Variants in DUSP29 observed in about 807,000 individuals in gnomAD.
DUSP29 encodes dual specificity phosphatase 29.
Under a neutral mutation model 13.5 loss-of-function variants are expected in DUSP29, and 12 were observed. The ratio of observed to expected loss-of-function variants is 0.89; its 90% CI spans 0.57 to 1.44. The LOEUF is 1.44. Ranked by LOEUF, DUSP29 falls within the 40% of genes most tolerant of loss-of-function variation. The pLI, the probability that DUSP29 is intolerant of heterozygous loss-of-function variation, is 0.00. For missense variants in DUSP29, 308 were observed against 301.1 expected, an observed-to-expected ratio of 1.02 and a Z score of -0.17; for synonymous variants, 134 against 128.7, an observed-to-expected ratio of 1.04 and a Z score of -0.28.
chr10:75,043,261 T>C (rs947105396), intron 3 of DUSP29, among the ~76,000 whole-genome samples: 1 of 152,212 alleles, frequency 6.6e-6, no homozygotes, highest in Non-Finnish European at 1.5e-5. Flanking sequence ...GGTCTCTCCA[T>C]GGATTCCCAC....
At chr10:75,048,096 A>G (rs1846742621) in intron 2 of DUSP29, among the ~76,000 whole-genome samples, 1 of 152,230 alleles carries the variant, frequency 6.6e-6, no homozygotes, top group Non-Finnish European at 1.5e-5. Flanking sequence ...TTATGTCCGT[A>G]GGAGACATTT....
At chr10:75,062,077 G>A (rs1847100085) in intron 1 of DUSP29, among the ~76,000 whole-genome samples, 1 of 152,184 alleles carries the variant, frequency 6.6e-6, no homozygotes, top group Non-Finnish European at 1.5e-5. Flanking sequence ...AGTCAGGAAG[G>A]AAGAAATTAT....
intron 2 of DUSP29, among the ~76,000 whole-genome samples, chr10:75,048,846 G>T (rs919194348): frequency 1.3e-5 from 2 of 152,204 alleles, no homozygotes; most frequent in Non-Finnish European, 2.9e-5. Context: ...CCGTGTTGAG[G>T]CACCTGAGAA....
chr10:75,062,137 C>A (rs1169173748), intron 1 of DUSP29, among the ~76,000 whole-genome samples: 1 of 152,226 alleles, frequency 6.6e-6, no homozygotes, highest in Non-Finnish European at 1.5e-5. Flanking sequence ...CCAGACCTTT[C>A]AGTCCCCTAA....
At chr10:75,043,768 C>A (rs1191934841) in intron 3 of DUSP29, 29 bp downstream of exon 3, 7 of 1,580,444 alleles carry the variant, frequency 4.4e-6, no homozygotes, top group Non-Finnish European at 6.0e-6. Context: ...GGGGCGGGGC[C>A]GATCGGGGCG....
At chr10:75,054,484 A>G (rs989275603) in intron 2 of DUSP29, among the ~76,000 whole-genome samples, 1 of 152,238 alleles carries the variant, frequency 6.6e-6, no homozygotes, top group Admixed American at 6.5e-5. Flanking sequence ...GAATGATGCT[A>G]TGTGAGAAAT....
At position 75,051,514 on chromosome 10, in the gene DUSP29, A is replaced by C. The variant is rs527445999; in HGVS notation, c.200+6801T>G. Among the ~76,000 whole-genome samples the C allele has an allele frequency of 2.5e-4, 38 of 152,348 alleles. 1 individual carries two copies. The South Asian group carries it at 7.9e-3, about 32-fold the overall frequency. ...ATCTCCACAAAAAGGAGCAAGGAAAAGAGTGAGCTTCATCTTAGAGGTAAG... is the reference window on the plus strand; with the variant it reads ...ATCTCCACAAAAAGGAGCAAGGAAACGAGTGAGCTTCATCTTAGAGGTAAG... On this transcript the variant is annotated intron_variant, in intron 2 of 3. Transcript: ENST00000338487.
At chr10:75,056,600 G>A (rs1846963949) in intron 2 of DUSP29, among the ~76,000 whole-genome samples, 1 of 151,976 alleles carries the variant, frequency 6.6e-6, no homozygotes, top group Admixed American at 6.6e-5. Flanking sequence ...CCAGGAGGTG[G>A]AGGTTGCAGT....
chr10:75,066,841 G>C (rs955053696), intron 1 of DUSP29, among the ~76,000 whole-genome samples: 2 of 152,158 alleles, frequency 1.3e-5, no homozygotes, highest in African/African-American at 2.4e-5. Flanking sequence ...CAGCAGTCAG[G>C]CCTCCGTGGT....
chr10:75,043,951 G>C lies in DUSP29; in HGVS notation c.267C>G (p.His89Gln), dbSNP rs374490639. Reference sequence around the variant, plus strand: ...GCCCAGTGTCCACGTTCCAGCGGCCGTGGGCCGCGTTCAGCACGTGCGTGA... The same window carrying C: ...GCCCAGTGTCCACGTTCCAGCGGCCCTGGGCCGCGTTCAGCACGTGCGTGA... ...AGFTHVLNAA[H>Q]GRWNVDTGPD... Residue 89 changes from histidine to glutamine, a missense_variant, in exon 3 of 4, where the codon CAC becomes CAG. His to Gln is a conservative substitution (Grantham distance 24). Coordinates refer to ENST00000338487, the MANE Select transcript of DUSP29 (RefSeq NM_001003892.3). The C allele has an allele frequency of 6.2e-7, 1 of 1,613,524 alleles. No homozygotes were observed. The highest frequency in any genetic ancestry group is 2.2e-5 in the East Asian group (1 of 44,876).
chr10:75,053,769 T>C (rs1057476570), intron 2 of DUSP29, among the ~76,000 whole-genome samples: 3 of 152,144 alleles, frequency 2.0e-5, no homozygotes, highest in African/African-American at 4.8e-5. Context: ...GGTCACTTGA[T>C]TTCTCTGAGC....
At chr10:75,071,101 C>T (rs981536912) in intron 1 of DUSP29, among the ~76,000 whole-genome samples, 5 of 152,264 alleles carry the variant, frequency 3.3e-5, no homozygotes, top group Admixed American at 2.0e-4. Context: ...AAAGGGGCTA[C>T]ACCCCGAAAC....
chr10:75,038,168 C>T, intron 3 of DUSP29, 91 bp from the exon 4 acceptor site: 4 of 1,500,226 alleles, frequency 2.7e-6, no homozygotes, highest in Non-Finnish European at 3.6e-6. Flanking sequence ...CTGTCACCCT[C>T]TCGCCCACAG....
intron 1 of DUSP29, among the ~76,000 whole-genome samples, chr10:75,060,114 C>T (rs543259686): frequency 7.9e-5 from 12 of 151,466 alleles, no homozygotes; most frequent in Middle Eastern, 6.8e-3. Context: ...GAGCTGAGAT[C>T]GCACCACTGC....
Position 75,064,231 on chromosome 10 carries a change from C to T in DUSP29, c.-34-5683G>A, listed in dbSNP as rs564729191. 7.6e-4 allele frequency among the ~76,000 whole-genome samples: 115 copies of T among 151,998 alleles called. 1 individual carries two copies. Among genetic ancestry groups the T allele is most frequent in the African/African-American group, 6.5e-4 (27 of 41,472 alleles). On this transcript the variant is annotated intron_variant, in intron 1 of 3. Coordinates refer to ENST00000338487, the MANE Select transcript of DUSP29 (RefSeq NM_001003892.3). ...TTTTTTTTTAAAGTTTTTTTGTAGC[C>T]GGGCACGGTGGCTCACGCCTGTAAT...
chr10:75,054,368 G>A (rs1419456325), intron 2 of DUSP29, among the ~76,000 whole-genome samples: 2 of 152,082 alleles, frequency 1.3e-5, no homozygotes, highest in African/African-American at 4.8e-5. Flanking sequence ...TAACTGATAT[G>A]CCCAACAATA....
At chr10:75,052,559 G>A (rs535875972) in intron 2 of DUSP29, among the ~76,000 whole-genome samples, 26 of 152,142 alleles carry the variant, frequency 1.7e-4, no homozygotes, top group African/African-American at 5.3e-4. Flanking sequence ...CGCCTGCCTC[G>A]GCCTCCCAAA....
intron 1 of DUSP29, among the ~76,000 whole-genome samples, chr10:75,070,546 G>A (rs1847307878): frequency 6.6e-6 from 1 of 152,224 alleles, no homozygotes; most frequent in Non-Finnish European, 1.5e-5. Flanking sequence ...TGAGCTCAAA[G>A]AGGGTTTCAG....
At chr10:75,070,572 A>AGGC (rs1847308275) in intron 1 of DUSP29, among the ~76,000 whole-genome samples, 1 of 152,136 alleles carries the variant, frequency 6.6e-6, no homozygotes, top group South Asian at 2.1e-4. Flanking sequence ...AGAGACAAGG[A>AGGC]GGCGGCCTGG....
Sources: gnomAD v4.1 joint callset for allele counts (sites outside exome capture counted in the v4.1 genomes callset) on GRCh38, gnomAD v4.1.1 for gene constraint, MANE v1.5 for transcripts, NCBI Gene and HGNC (gene_info 2026-07-23, HGNC 2026-07-21) for gene names.